The following SNX13 variants were observed in gnomAD, a reference collection of about 807,000 sequenced individuals.
SNX13 encodes sorting nexin-13.
SNX13 carries 45 observed loss-of-function variants against 133.6 expected under a neutral mutation model. The observed-to-expected ratio is 0.34, with a 90% CI of 0.27 to 0.43. The LOEUF (loss-of-function observed/expected upper bound fraction) is 0.43, where lower values mean the gene tolerates loss of function less well. Among genes scored for constraint, SNX13 ranks in the 20% least tolerant of loss-of-function variants. The probability of loss-of-function intolerance (pLI) is 1.00; values close to 1 mark genes in which losing one functional copy is unlikely to be tolerated. For missense variants in SNX13, 1,032 were observed against 1,145.1 expected (o/e 0.90, Z 1.43); for synonymous variants, 414 against 373.9 (o/e 1.11, Z -1.24).
chr7:17,804,168 G>T (rs777492518), intron 20 of SNX13, among the ~76,000 whole-genome samples: 166 of 151,914 alleles, frequency 1.1e-3, no homozygotes, highest in Middle Eastern at 3.4e-3. Flanking sequence ...TCTTATTAAA[G>T]AAATTTTGAA....
At chr7:17,890,335 C>T (rs770730607) in intron 5 of SNX13, 28 bp downstream of exon 5, 3 of 1,591,076 alleles carry the variant, frequency 1.9e-6, no homozygotes, top group Non-Finnish European at 2.6e-6. Flanking sequence ...CTAAATTTTT[C>T]TGCATAAATA....
intron 1 of SNX13, among the ~76,000 whole-genome samples, chr7:17,922,649 G>A (rs1001474077): frequency 6.6e-6 from 1 of 152,022 alleles, no homozygotes; most frequent in Non-Finnish European, 1.5e-5. Context: ...TGTTCAGCTT[G>A]ACCCTGGTTT....
chr7:17,886,723 T>C (rs748848661), intron 5 of SNX13, among the ~76,000 whole-genome samples: 7 of 152,130 alleles, frequency 4.6e-5, no homozygotes, highest in Non-Finnish European at 7.4e-5. Context: ...TACTACACTA[T>C]CCTTATCTTC....
At chr7:17,797,054 T>C in intron 24 of SNX13, 115 bp from the exon 25 acceptor site, 1 of 790,058 alleles carries the variant, frequency 1.3e-6, no homozygotes, top group Non-Finnish European at 2.0e-6. Flanking sequence ...AAGAAAAGTT[T>C]CTGAATAATA....
chr7:17,888,371 C>A (rs958230184), intron 5 of SNX13: 8 of 192,672 alleles, frequency 4.2e-5, no homozygotes, highest in Middle Eastern at 2.0e-3. Context: ...AAACTTAATA[C>A]CTACAGTGAA....
At chr7:17,832,135 T>C (rs900879146) in intron 15 of SNX13, 2 of 984,258 alleles carry the variant, frequency 2.0e-6, no homozygotes, top group South Asian at 4.7e-5. Context: ...ATAACTGATA[T>C]ATAAGAGAAG....
chr7:17,815,440 C>T (rs1188060915), intron 19 of SNX13, among the ~76,000 whole-genome samples: 1 of 152,070 alleles, frequency 6.6e-6, no homozygotes, highest in Non-Finnish European at 1.5e-5. Flanking sequence ...AAAACATTAG[C>T]CAGGCACAGT....
At chr7:17,804,436 T>C (rs1396168716) in intron 20 of SNX13, among the ~76,000 whole-genome samples, 1 of 152,068 alleles carries the variant, frequency 6.6e-6, no homozygotes, top group Non-Finnish European at 1.5e-5. Flanking sequence ...AATTTGAAGT[T>C]CATTACAAAG....
At chr7:17,897,217 A>G (rs970522566) in intron 2 of SNX13, 117 bp downstream of exon 2, 1 of 489,532 alleles carries the variant, frequency 2.0e-6, no homozygotes, top group Non-Finnish European at 3.4e-6. Context: ...CTTTAGTAAA[A>G]GCAATTTATT....
intron 18 of SNX13, among the ~76,000 whole-genome samples, chr7:17,817,939 G>A (rs1049477061): frequency 4.6e-5 from 7 of 151,984 alleles, no homozygotes; most frequent in Non-Finnish European, 7.4e-5. Context: ...TGCCGCAGAC[G>A]GTGACTGAAT....
intron 1 of SNX13, among the ~76,000 whole-genome samples, chr7:17,934,089 T>C (rs1583848691): frequency 1.3e-5 from 2 of 152,338 alleles, no homozygotes; most frequent in Non-Finnish European, 2.9e-5. Context: ...ACAGTATTTA[T>C]CACTATCACT....
At chr7:17,924,375 C>G (rs184874776) in intron 1 of SNX13, among the ~76,000 whole-genome samples, 11 of 152,226 alleles carry the variant, frequency 7.2e-5, no homozygotes, top group Non-Finnish European at 1.5e-4. Flanking sequence ...TGAAGATATA[C>G]ACATGAAAAG....
intron 15 of SNX13, chr7:17,831,451 A>T: frequency 1.1e-6 from 1 of 942,938 alleles, no homozygotes; most frequent in Non-Finnish European, 1.3e-6. Flanking sequence ...GCAAAGGAAG[A>T]AATGAGGAGA....
In SNX13 at chr7:17,934,468, CTG is replaced by C. The variant is rs1157168402; in HGVS notation, c.12+5814_12+5815del. ...TCTGTGAGGATGTTTCCAGAGGAGA[CTG>C]AGATTAGCATGTGAGTCTGAGTAGA... On this transcript the variant is annotated intron_variant, in intron 1 of 25. Transcript: ENST00000428135. 2.0e-5 allele frequency among the ~76,000 whole-genome samples: 3 copies of C among 152,148 alleles called. No homozygotes were observed. In the East Asian group the frequency reaches 5.8e-4, roughly 29 times the overall value.
chr7:17,805,054 AACATCCAACC>A (rs1407731128), intron 20 of SNX13, among the ~76,000 whole-genome samples: 1 of 152,168 alleles, frequency 6.6e-6, no homozygotes, highest in Non-Finnish European at 1.5e-5. Context: ...TGCTTGACGG[AACATCCAACC>A]CTAGAAGAGA....
chr7:17,869,270 GTGGAAT>G (rs1335315966), intron 8 of SNX13, among the ~76,000 whole-genome samples: 1 of 151,994 alleles, frequency 6.6e-6, no homozygotes, highest in African/African-American at 2.4e-5. Flanking sequence ...CTCCATATGA[GTGGAAT>G]TGGTCAACTT....
At chr7:17,915,325 C>T (rs1228299975) in intron 1 of SNX13, among the ~76,000 whole-genome samples, 1 of 152,190 alleles carries the variant, frequency 6.6e-6, no homozygotes, top group East Asian at 1.9e-4. Flanking sequence ...ACCTAGGCGC[C>T]ACAGCAAGGT....
At chr7:17,858,366 T>C (rs1441468130) in intron 9 of SNX13, among the ~76,000 whole-genome samples, 1 of 151,842 alleles carries the variant, frequency 6.6e-6, no homozygotes, top group Admixed American at 6.6e-5. Flanking sequence ...ATCTGAAAAA[T>C]AAATCAAGAA....
chr7:17,935,082 C>T (rs904697646), intron 1 of SNX13, among the ~76,000 whole-genome samples: 3 of 152,154 alleles, frequency 2.0e-5, no homozygotes, highest in African/African-American at 7.2e-5. Flanking sequence ...AGGTTCACAG[C>T]AGCATTAGTC....
Sources: allele counts gnomAD v4.1 joint callset (sites outside exome capture counted in the v4.1 genomes callset), GRCh38; gene constraint gnomAD v4.1.1; transcripts MANE v1.5; gene names NCBI Gene and HGNC (gene_info 2026-07-23, HGNC 2026-07-21).